The following DGKB variants were observed in gnomAD, a reference collection of about 807,000 sequenced individuals.
The protein encoded by DGKB is diacylglycerol kinase beta.
DGKB carries 67 observed loss-of-function variants against 114.3 expected under a neutral mutation model. The observed-to-expected ratio is 0.59, with a 90% confidence interval of 0.48 to 0.72. DGKB has a LOEUF of 0.72. Ranked by LOEUF, DGKB falls within the 30% of genes least tolerant of loss-of-function variation. The probability of loss-of-function intolerance (pLI) is 0.00; values close to 1 mark genes in which losing one functional copy is unlikely to be tolerated. For synonymous variants in DGKB, 398 were observed against 323.1 expected, an observed-to-expected ratio of 1.23 and a Z score of -2.49; for missense variants, 907 against 975.2, an observed-to-expected ratio of 0.93 and a Z score of 0.93.
chr7:14,756,682 C>A (rs1456113892), intron 3 of DGKB, among the ~76,000 whole-genome samples: 1 of 151,538 alleles, frequency 6.6e-6, no homozygotes, highest in African/African-American at 2.4e-5. Flanking sequence ...AAATTAAGTT[C>A]TAGAAATCCC....
At chr7:14,797,831 G>A (rs1223243660) in intron 2 of DGKB, among the ~76,000 whole-genome samples, 1 of 152,066 alleles carries the variant, frequency 6.6e-6, no homozygotes, top group African/African-American at 2.4e-5. Context: ...TTTTCACAGA[G>A]CAGGAAGGAG....
chr7:14,236,405 C>A (rs1378580461), intron 23 of DGKB, among the ~76,000 whole-genome samples: 1 of 151,430 alleles, frequency 6.6e-6, no homozygotes, highest in Non-Finnish European at 1.5e-5. Context: ...GTAGGATGAA[C>A]CAGAGACCCT....
rs1452686512 is a variant in DGKB, at chr7:14,695,492, C to CTTTTTTT, written c.592-1299_592-1298insAAAAAAA. The stretch of plus-strand genomic sequence containing the variant: ...CAAATGTTCATTTCTCTCTCTCTCT[C>CTTTTTTT]TCTTTTTTTTTTTTTTTTTTTTTTT... On this transcript the variant is annotated intron_variant, in intron 8 of 25. Transcript: ENST00000402815. 8.7e-4 allele frequency among the ~76,000 whole-genome samples: 64 copies of CTTTTTTT among 73,372 alleles called. 3 individuals are homozygous for CTTTTTTT. Among genetic ancestry groups the CTTTTTTT allele is most frequent in the African/African-American group, 2.6e-3 (43 of 16,792 alleles). The allele number at this position is 73,372 out of a possible 152,430, so 48.1% of individuals were successfully genotyped here. A position where few individuals can be genotyped will look rare whatever the true frequency, so the allele number is the denominator to read the frequency against.
chr7:14,524,207 C>T (rs12699629), intron 20 of DGKB, among the ~76,000 whole-genome samples: 51,823 of 151,838 alleles, frequency 0.34, 9,496 homozygotes, highest in Admixed American at 0.45. Flanking sequence ...TTAGATGATA[C>T]ACCAAGAGTT....
At chr7:14,767,458 T>C (rs1436245255) in intron 2 of DGKB, among the ~76,000 whole-genome samples, 3 of 151,924 alleles carry the variant, frequency 2.0e-5, no homozygotes, top group East Asian at 1.9e-4. Context: ...TGGTGCATAG[T>C]ATATATTCAT....
At position 14,936,762 on chromosome 7, in the gene DGKB, T is replaced by C. The variant is rs144855951; in HGVS notation, c.-188+37934A>G. 6.4e-3 allele frequency among the ~76,000 whole-genome samples: 970 copies of C among 152,208 alleles called. 8 individuals are homozygous for C. Among genetic ancestry groups the C allele is most frequent in the Non-Finnish European group, 0.011 (737 of 68,010 alleles). On this transcript the variant is annotated intron_variant, in intron 1 of 4. Coordinates refer to the DGKB transcript ENST00000437998. ...CCCATTCCCATGTCATCCTGCTGCG[T>C]TGTTTCTCAGGCTTCCAAGTTTCCA...
chr7:14,719,371 C>T (rs1292039041), intron 5 of DGKB, among the ~76,000 whole-genome samples: 1 of 152,150 alleles, frequency 6.6e-6, no homozygotes, highest in Non-Finnish European at 1.5e-5. Flanking sequence ...ATATAGGTTG[C>T]TTATTACCTG....
intron 21 of DGKB, among the ~76,000 whole-genome samples, chr7:14,465,924 T>C (rs1273843081): frequency 6.6e-6 from 1 of 151,872 alleles, no homozygotes; most frequent in Non-Finnish European, 1.5e-5. Flanking sequence ...TACACAATTA[T>C]TGAGACTTTC....
intron 16 of DGKB, among the ~76,000 whole-genome samples, chr7:14,610,155 T>C (rs1805263885): frequency 6.6e-6 from 1 of 151,948 alleles, no homozygotes; most frequent in Non-Finnish European, 1.5e-5. Flanking sequence ...ATAAAGAAAA[T>C]GCGGTACATA....
At chr7:14,369,975 C>T (rs2128649530) in intron 21 of DGKB, among the ~76,000 whole-genome samples, 1 of 152,282 alleles carries the variant, frequency 6.6e-6, no homozygotes, top group Middle Eastern at 3.4e-3. Flanking sequence ...TCAATTTTGG[C>T]TTCTGTTGCC....
intron 1 of DGKB, among the ~76,000 whole-genome samples, chr7:14,881,402 G>A (rs1216653400): frequency 6.6e-6 from 1 of 152,052 alleles, no homozygotes; most frequent in Non-Finnish European, 1.5e-5. Flanking sequence ...ATGACAACAA[G>A]TATTTTCTCT....
At chr7:14,491,662 A>C (rs185396872) in intron 20 of DGKB, among the ~76,000 whole-genome samples, 1 of 152,242 alleles carries the variant, frequency 6.6e-6, no homozygotes, top group African/African-American at 2.4e-5. Context: ...CCATAATTCT[A>C]TTCTTAACAT....
At chr7:14,741,679 C>G (rs12699662) in intron 4 of DGKB, among the ~76,000 whole-genome samples, 98,209 of 152,022 alleles carry the variant, frequency 0.65, 35,327 homozygotes, top group Non-Finnish European at 0.81. Context: ...TACACTTAGA[C>G]GTTCTAGTTT....
intron 2 of DGKB, among the ~76,000 whole-genome samples, chr7:14,785,570 CAG>C (rs1188362791): frequency 6.6e-6 from 1 of 152,118 alleles, no homozygotes; most frequent in Non-Finnish European, 1.5e-5. Flanking sequence ...CTGAAAGAGA[CAG>C]AGGATTCCTT....
chr7:14,328,175 T>C (rs924295599), intron 23 of DGKB, among the ~76,000 whole-genome samples: 6 of 152,104 alleles, frequency 3.9e-5, no homozygotes, highest in Non-Finnish European at 7.4e-5. Flanking sequence ...TAAGAAAATA[T>C]GTTTTATGTA....
At chr7:14,718,452 A>G in intron 6 of DGKB, 90 bp downstream of exon 6, 1 of 1,228,332 alleles carries the variant, frequency 8.1e-7, no homozygotes, top group Non-Finnish European at 1.1e-6. Flanking sequence ...AAATTATACA[A>G]CTATACTAAT....
At chr7:14,206,066 C>T (rs1013350457) in intron 23 of DGKB, among the ~76,000 whole-genome samples, 7 of 151,938 alleles carry the variant, frequency 4.6e-5, no homozygotes, top group African/African-American at 1.7e-4. Flanking sequence ...ATATTAACTA[C>T]AAAATGTAAA....
intron 20 of DGKB, among the ~76,000 whole-genome samples, chr7:14,573,968 GT>G (rs1002106146): frequency 2.6e-5 from 4 of 152,016 alleles, no homozygotes; most frequent in East Asian, 1.9e-4. Context: ...AAAGAATATA[GT>G]TTTTTTCCTT....
intron 17 of DGKB, among the ~76,000 whole-genome samples, chr7:14,591,499 G>A (rs965928046): frequency 3.3e-5 from 5 of 151,954 alleles, no homozygotes; most frequent in Non-Finnish European, 7.4e-5. Context: ...ATATTTGAAA[G>A]CAAGCCTATT....
Sources: gnomAD v4.1 joint callset for allele counts (sites outside exome capture counted in the v4.1 genomes callset) on GRCh38, gnomAD v4.1.1 for gene constraint, MANE v1.5 for transcripts, NCBI Gene and HGNC (gene_info 2026-07-23, HGNC 2026-07-21) for gene names.